Variants in QTMAN observed in about 807,000 individuals in gnomAD.
QTMAN encodes tRNA-queuosine alpha-mannosyltransferase.
the QTMAN span, among the ~76,000 whole-genome samples, chr2:144,046,596 G>T: frequency 5.9e-5 from 9 of 152,230 alleles, no homozygotes; most frequent in Non-Finnish European, 1.3e-4. Context: ...ACTATTAAAT[G>T]AGATACAACA....
chr2:144,214,490 C>T, the QTMAN span, among the ~76,000 whole-genome samples: 1 of 152,164 alleles, frequency 6.6e-6, no homozygotes, highest in African/African-American at 2.4e-5. Flanking sequence ...ATAACTAACA[C>T]TTGATGGATA....
the QTMAN span, among the ~76,000 whole-genome samples, chr2:143,983,031 A>T: frequency 7.9e-3 from 1,205 of 152,284 alleles, 6 homozygotes; most frequent in Non-Finnish European, 0.013. Context: ...CACATATGAC[A>T]ATTTTAAATG....
At chr2:144,154,876 A>G in the QTMAN span, among the ~76,000 whole-genome samples, 2 of 152,168 alleles carry the variant, frequency 1.3e-5, no homozygotes, top group African/African-American at 4.8e-5. Context: ...CTTATTCCCC[A>G]TCCTAGCCAC....
At chr2:143,966,735 T>C in the QTMAN span, among the ~76,000 whole-genome samples, 1 of 152,248 alleles carries the variant, frequency 6.6e-6, no homozygotes. Context: ...AATTCTACTA[T>C]ACATTTTAGG....
At chr2:144,103,007 A>G in the QTMAN span, among the ~76,000 whole-genome samples, 1 of 152,116 alleles carries the variant, frequency 6.6e-6, no homozygotes, top group Non-Finnish European at 1.5e-5. Context: ...CTATCACCTG[A>G]GAAAATTCTG....
chr2:144,181,928 AG>A, the QTMAN span, among the ~76,000 whole-genome samples: 2 of 152,186 alleles, frequency 1.3e-5, no homozygotes, highest in Admixed American at 6.5e-5. Context: ...ACACATGAAG[AG>A]CTCTGTGGGT....
chr2:144,164,628 C>T, the QTMAN span, among the ~76,000 whole-genome samples: 3 of 152,050 alleles, frequency 2.0e-5, no homozygotes, highest in Non-Finnish European at 2.9e-5. Context: ...AACCATTTTC[C>T]AGAGCCACTG....
the QTMAN span, among the ~76,000 whole-genome samples, chr2:144,109,589 C>A: frequency 6.6e-6 from 1 of 151,944 alleles, no homozygotes; most frequent in Non-Finnish European, 1.5e-5. Context: ...CAAAAGAAAT[C>A]ACCATCAGAG....
At chr2:143,964,690 C>T in the QTMAN span, among the ~76,000 whole-genome samples, 36 of 152,150 alleles carry the variant, frequency 2.4e-4, no homozygotes, top group African/African-American at 8.2e-4. Context: ...AATTATCCAA[C>T]ATTTGACTCC....
the QTMAN span, among the ~76,000 whole-genome samples, chr2:144,137,136 T>C: frequency 6.6e-6 from 1 of 152,200 alleles, no homozygotes; most frequent in Non-Finnish European, 1.5e-5. Context: ...CTCATGCACA[T>C]CTTAAAGTAA....
At chr2:144,142,172 G>A in the QTMAN span, 1 of 632,328 alleles carries the variant, frequency 1.6e-6, no homozygotes, top group Non-Finnish European at 2.6e-6. Flanking sequence ...GGTTTGCAAA[G>A]AACTCTTCAC....
chr2:144,089,410 G>A, the QTMAN span, among the ~76,000 whole-genome samples: 1 of 151,924 alleles, frequency 6.6e-6, no homozygotes, highest in East Asian at 1.9e-4. Flanking sequence ...ACTAAACATA[G>A]AATTACCATT....
At chr2:144,157,275 A>C in the QTMAN span, among the ~76,000 whole-genome samples, 1 of 152,106 alleles carries the variant, frequency 6.6e-6, no homozygotes, top group African/African-American at 2.4e-5. Flanking sequence ...CTGACTCTTA[A>C]TGATATCCGA....
At chr2:144,076,523 A>T in the QTMAN span, among the ~76,000 whole-genome samples, 52 of 152,172 alleles carry the variant, frequency 3.4e-4, no homozygotes, top group Admixed American at 1.2e-3. Flanking sequence ...AAAATTATTA[A>T]TATCATTCCA....
chr2:144,175,981 T>C, the QTMAN span, among the ~76,000 whole-genome samples: 9 of 152,204 alleles, frequency 5.9e-5, no homozygotes, highest in African/African-American at 2.2e-4. Context: ...AGTACATTTC[T>C]ACTTAAACTG....
the QTMAN span, among the ~76,000 whole-genome samples, chr2:144,011,418 T>C: frequency 3.3e-5 from 5 of 152,130 alleles, no homozygotes; most frequent in African/African-American, 7.2e-5. Context: ...AAACAATTTA[T>C]TGCTATAATA....
At chr2:144,011,263 T>C in the QTMAN span, among the ~76,000 whole-genome samples, 1 of 152,192 alleles carries the variant, frequency 6.6e-6, no homozygotes, top group Non-Finnish European at 1.5e-5. Context: ...TACTACTTTG[T>C]TACAATAAAG....
the QTMAN span, among the ~76,000 whole-genome samples, chr2:144,081,488 G>C: frequency 5.8e-4 from 89 of 152,276 alleles, no homozygotes; most frequent in African/African-American, 2.0e-3. Context: ...GTTGAAACTA[G>C]GGAAATCTGA....
the QTMAN span, among the ~76,000 whole-genome samples, chr2:143,991,167 G>A: frequency 4.6e-5 from 7 of 152,058 alleles, no homozygotes; most frequent in South Asian, 2.1e-4. Context: ...AGAAGAGAGC[G>A]AATGAGGCAG....
Sources: gnomAD v4.1 joint callset for allele counts (sites outside exome capture counted in the v4.1 genomes callset) on GRCh38, gnomAD v4.1.1 for gene constraint, MANE v1.5 for transcripts, NCBI Gene and HGNC (gene_info 2026-07-23, HGNC 2026-07-21) for gene names.